The following RIMS1 variants were observed in gnomAD, a reference collection of about 807,000 sequenced individuals.
RIMS1 encodes regulating synaptic membrane exocytosis protein 1.
RIMS1 carries 83 observed loss-of-function variants against 214.1 expected under a neutral mutation model. That is an observed-to-expected ratio of 0.39 (90% CI 0.32 to 0.47). RIMS1 has a LOEUF of 0.47. Among genes scored for constraint, RIMS1 ranks in the 20% least tolerant of loss-of-function variants. RIMS1 has a pLI of 0.99. For missense variants in RIMS1, 2,050 were observed against 2,161.8 expected (o/e 0.95, Z 1.03); for synonymous variants, 793 against 786.8 (o/e 1.01, Z -0.13).
chr6:72,038,102 AAAAAAAAAAAAAAAAAATAT>A (rs1318048375), intron 2 of RIMS1, among the ~76,000 whole-genome samples: 1,602 of 72,284 alleles, frequency 0.022, 12 homozygotes, highest in African/African-American at 0.1. Context: ...AAAAAAAAAA[AAAAAAAAAAAAAAAAAATAT>A]ATATATATAT....
At chr6:72,083,401 G>A (rs550576328) in intron 2 of RIMS1, among the ~76,000 whole-genome samples, 63 of 151,942 alleles carry the variant, frequency 4.1e-4, no homozygotes, top group Non-Finnish European at 8.1e-4. Flanking sequence ...AAAATTACAC[G>A]TGTTCCACCA....
chr6:72,335,209 A>G (rs1451248541), intron 29 of RIMS1, among the ~76,000 whole-genome samples: 1 of 151,696 alleles, frequency 6.6e-6, no homozygotes, highest in Non-Finnish European at 1.5e-5. Context: ...CCTAGGAGAT[A>G]TTTCTGCTAT....
chr6:72,311,328 A>G (rs1354852581), intron 27 of RIMS1, among the ~76,000 whole-genome samples: 1 of 152,222 alleles, frequency 6.6e-6, no homozygotes, highest in Non-Finnish European at 1.5e-5. Flanking sequence ...CTACTCTTTG[A>G]ACATAATTGA....
At chr6:72,392,093 A>G (rs1338255362) in intron 30 of RIMS1, among the ~76,000 whole-genome samples, 2 of 152,366 alleles carry the variant, frequency 1.3e-5, no homozygotes, top group Admixed American at 6.5e-5. Context: ...TTACCCAGTG[A>G]TAACTACATC....
chr6:72,233,598 G>T lies in RIMS1; in HGVS notation c.1679-175G>T, dbSNP rs187562907. ...TGTATGAAGTGCATTTGTAGCATAC[G>T]TTCATTCCAGTGATTCAAGTCACAA... On this transcript the variant is annotated intron_variant, in intron 6 of 33. Transcript: ENST00000521978. Among the ~76,000 whole-genome samples, 4 of 151,606 alleles carry T rather than the reference G, an allele frequency of 2.6e-5. No individual in the cohort carries two copies. The South Asian group carries it at 8.3e-4, about 31-fold the overall frequency.
At chr6:72,111,628 A>C (rs77606580) in intron 4 of RIMS1, among the ~76,000 whole-genome samples, 1 of 151,984 alleles carries the variant, frequency 6.6e-6, no homozygotes, top group Non-Finnish European at 1.5e-5. Context: ...CTTCTTCTAA[A>C]TTTTAGTTTT....
At chr6:72,307,940 G>A (rs1001613018) in intron 27 of RIMS1, among the ~76,000 whole-genome samples, 2 of 151,922 alleles carry the variant, frequency 1.3e-5, no homozygotes, top group Non-Finnish European at 2.9e-5. Flanking sequence ...TGATTGATTA[G>A]CATTAGTCAA....
At chr6:71,894,575 A>C (rs1327659586) in intron 1 of RIMS1, among the ~76,000 whole-genome samples, 2 of 152,274 alleles carry the variant, frequency 1.3e-5, no homozygotes, top group East Asian at 3.8e-4. Context: ...GACTTCATAC[A>C]GGACTGTCTT....
intron 29 of RIMS1, among the ~76,000 whole-genome samples, chr6:72,352,410 T>C (rs930592475): frequency 3.3e-5 from 5 of 152,206 alleles, no homozygotes; most frequent in Non-Finnish European, 7.3e-5. Context: ...CAGGATCACA[T>C]AGCTAATAAC....
At chr6:72,077,116 T>C (rs569262757) in intron 2 of RIMS1, among the ~76,000 whole-genome samples, 1 of 152,272 alleles carries the variant, frequency 6.6e-6, no homozygotes, top group East Asian at 1.9e-4. Flanking sequence ...TGGAATCCTC[T>C]TCCCCACATG....
chr6:72,101,035 T>A (rs1228590336), intron 4 of RIMS1, among the ~76,000 whole-genome samples: 1 of 151,984 alleles, frequency 6.6e-6, no homozygotes, highest in Non-Finnish European at 1.5e-5. Context: ...GCCAATTTCA[T>A]CAATATTATT....
At chr6:72,009,847 C>CA (rs1284203624) in intron 2 of RIMS1, among the ~76,000 whole-genome samples, 3 of 152,098 alleles carry the variant, frequency 2.0e-5, no homozygotes, top group Admixed American at 6.6e-5. Context: ...GCTTCCCAAC[C>CA]AAAAAAATCC....
At chr6:72,165,605 AG>A (rs1165816625) in intron 4 of RIMS1, among the ~76,000 whole-genome samples, 1 of 152,124 alleles carries the variant, frequency 6.6e-6, no homozygotes, top group Non-Finnish European at 1.5e-5. Flanking sequence ...ATATAATTTG[AG>A]GTTTATGTCC....
intron 31 of RIMS1, among the ~76,000 whole-genome samples, chr6:72,393,158 A>G (rs139002178): frequency 3.9e-5 from 6 of 152,194 alleles, no homozygotes; most frequent in Middle Eastern, 3.4e-3. Flanking sequence ...AATTAATGGA[A>G]TTCCCTCACG....
chr6:72,038,100 AAAAAAAAAAAAAAAAAAAAT>A (rs1156854171), intron 2 of RIMS1, among the ~76,000 whole-genome samples: 38 of 64,240 alleles, frequency 5.9e-4, no homozygotes, highest in African/African-American at 2.7e-3. Context: ...CAAAAAAAAA[AAAAAAAAAAAAAAAAAAAAT>A]ATATATATAT....
intron 27 of RIMS1, among the ~76,000 whole-genome samples, chr6:72,308,901 C>T (rs2095372458): frequency 6.6e-6 from 1 of 152,142 alleles, no homozygotes; most frequent in Non-Finnish European, 1.5e-5. Context: ...ATATCATCAT[C>T]GTTTTTGTTT....
At chr6:72,040,655 G>A (rs1006007279) in intron 2 of RIMS1, among the ~76,000 whole-genome samples, 2 of 151,866 alleles carry the variant, frequency 1.3e-5, no homozygotes, top group African/African-American at 4.8e-5. Context: ...GCAAGCTACA[G>A]AATCTACAAT....
At chr6:72,237,278 G>T (rs1336914727) in intron 8 of RIMS1, among the ~76,000 whole-genome samples, 1 of 151,590 alleles carries the variant, frequency 6.6e-6, no homozygotes, top group Admixed American at 6.6e-5. Flanking sequence ...GGGAAAGAAA[G>T]AAAAGAGAAA....
intron 6 of RIMS1, among the ~76,000 whole-genome samples, chr6:72,217,545 A>G (rs2056719789): frequency 6.6e-6 from 1 of 152,158 alleles, no homozygotes; most frequent in Admixed American, 6.6e-5. Flanking sequence ...AGAAAGATAC[A>G]TTTTTCTTCT....
Sources: allele counts gnomAD v4.1 joint callset (sites outside exome capture counted in the v4.1 genomes callset), GRCh38; gene constraint gnomAD v4.1.1; transcripts MANE v1.5; gene names NCBI Gene and HGNC (gene_info 2026-07-23, HGNC 2026-07-21).